CCDC18: variants seen among roughly 807,000 people sequenced by gnomAD.
The protein encoded by CCDC18 is coiled-coil domain-containing protein 18.
Under a neutral mutation model 196.0 loss-of-function variants are expected in CCDC18, and 157 were observed. The ratio of observed to expected loss-of-function variants is 0.80; its 90% CI spans 0.70 to 0.91. CCDC18 has a LOEUF of 0.91. Among genes scored for constraint, CCDC18 ranks in the 40% least tolerant of loss-of-function variants. The pLI is 0.00. For missense variants in CCDC18, 1,465 were observed against 1,611.6 expected (o/e 0.91, Z 1.56); for synonymous variants, 482 against 529.2 (o/e 0.91, Z 1.22).
At chr1:93,195,656 T>C (rs1250741405) in intron 6 of CCDC18, among the ~76,000 whole-genome samples, 5 of 152,144 alleles carry the variant, frequency 3.3e-5, no homozygotes, top group Non-Finnish European at 7.4e-5. Flanking sequence ...GGGAGTTTGT[T>C]CCTTTTTTCC....
At chr1:93,252,371 C>T (rs995374085) in intron 23 of CCDC18, among the ~76,000 whole-genome samples, 8 of 152,172 alleles carry the variant, frequency 5.3e-5, no homozygotes, top group African/African-American at 1.2e-4. Flanking sequence ...CATCTTCAAG[C>T]TCACTGATTC....
Position 93,217,837 on chromosome 1 carries a change from C to G in CCDC18, c.1930C>G (p.Gln644Glu). 1.2e-6 allele frequency: 2 copies of G among 1,612,286 alleles called. No homozygotes were observed. Among genetic ancestry groups the G allele is most frequent in the Non-Finnish European group, 1.7e-6 (2 of 1,178,564 alleles). Residue 644 changes from glutamine to glutamate, a missense_variant, in exon 14 of 29, where the codon CAG becomes GAG. By Grantham distance (29) the Gln-to-Glu change is conservative. Coordinates refer to ENST00000690025, the MANE Select transcript of CCDC18 (RefSeq NM_001378204.1). ...AAAAGCAAAGAAAATTCACTTGGAA[C>G]AGCATAAAGAAATGGAAAAGCAGAT... ...FEKAKKIHLE[Q>E]HKEMEKQIER...
chr1:93,208,193 C>T (rs1655012740), intron 9 of CCDC18, among the ~76,000 whole-genome samples: 1 of 152,182 alleles, frequency 6.6e-6, no homozygotes. Flanking sequence ...AATGTCTACA[C>T]TATTTTACAT....
In CCDC18 at chr1:93,230,230, G is replaced by A. The variant is rs552994905; in HGVS notation, c.2293-2196G>A. 1.2e-4 allele frequency among the ~76,000 whole-genome samples: 18 copies of A among 152,066 alleles called. No individual in the cohort carries two copies. In the East Asian group the frequency reaches 2.9e-3, roughly 24 times the overall value. On this transcript the variant is annotated intron_variant, in intron 17 of 28. Coordinates refer to ENST00000690025, the MANE Select transcript of CCDC18 (RefSeq NM_001378204.1). ...AAACTAAAGCCAACTGGCCAGGCAC[G>A]GTGGCTCATGCCTGTAATCCCAACA...
At chr1:93,224,722 T>C (rs1223103948) in intron 16 of CCDC18, among the ~76,000 whole-genome samples, 1 of 152,272 alleles carries the variant, frequency 6.6e-6, no homozygotes, top group Non-Finnish European at 1.5e-5. Context: ...GAATATCCTG[T>C]TCCTCAATAA....
chr1:93,212,047 A>G, intron 10 of CCDC18, 54 bp from the exon 11 acceptor site: 1 of 1,428,748 alleles, frequency 7.0e-7, no homozygotes, highest in Non-Finnish European at 9.6e-7. Flanking sequence ...GTACAGTATG[A>G]GTTTTTTTAT....
chr1:93,243,723 G>C (rs910820771), intron 21 of CCDC18, among the ~76,000 whole-genome samples: 1 of 152,098 alleles, frequency 6.6e-6, no homozygotes, highest in African/African-American at 2.4e-5. Flanking sequence ...TCTAGGGCAG[G>C]GGCAAAATGC....
chr1:93,256,918 G>A (rs780782836), intron 25 of CCDC18, among the ~76,000 whole-genome samples: 3 of 151,968 alleles, frequency 2.0e-5, no homozygotes, highest in Non-Finnish European at 4.4e-5. Flanking sequence ...TTTTACATTT[G>A]TAGTGACTCT....
chr1:93,223,796 T>C (rs1298031300), intron 16 of CCDC18, among the ~76,000 whole-genome samples: 2 of 152,130 alleles, frequency 1.3e-5, no homozygotes, highest in African/African-American at 4.8e-5. Context: ...TTTTTGAAGA[T>C]GCATAGCCTA....
intron 28 of CCDC18, among the ~76,000 whole-genome samples, chr1:93,277,075 G>A (rs1665662088): frequency 1.1e-5 from 1 of 93,938 alleles, no homozygotes; most frequent in Middle Eastern, 3.6e-3. Flanking sequence ...ACAATGTAAA[G>A]GATTAAGTGC....
At chr1:93,185,064 T>C (rs1650396413) in intron 3 of CCDC18, among the ~76,000 whole-genome samples, 1 of 151,740 alleles carries the variant, frequency 6.6e-6, no homozygotes, top group Non-Finnish European at 1.5e-5. Context: ...AGTAACCCAA[T>C]GGGCAAAAGA....
At chr1:93,251,352 T>C (rs1459081633) in intron 23 of CCDC18, among the ~76,000 whole-genome samples, 1 of 152,226 alleles carries the variant, frequency 6.6e-6, no homozygotes, top group Non-Finnish European at 1.5e-5. Context: ...CTTTTAGTCT[T>C]ACTAAAGATA....
intron 23 of CCDC18, 140 bp downstream of exon 23, chr1:93,247,094 T>TTTGGA: frequency 4.0e-6 from 2 of 495,528 alleles, no homozygotes; most frequent in Non-Finnish European, 7.3e-6. Flanking sequence ...AGTCGTTCTC[T>TTTGGA]GTCACCCAGG....
At chr1:93,204,261 A>AAT (rs1157780695) in intron 7 of CCDC18, among the ~76,000 whole-genome samples, 1 of 152,182 alleles carries the variant, frequency 6.6e-6, no homozygotes, top group African/African-American at 2.4e-5. Flanking sequence ...GAAATAGGAC[A>AAT]TTTCTTTATG....
rs774621776 is a variant in CCDC18 at position 93,239,409 on chromosome 1, C to T, written c.2703C>T (p.His901=). Residue 901 remains histidine, a synonymous_variant, in exon 20 of 29, where the codon CAC becomes CAT. Transcript: ENST00000690025. ...GAGATGGAGAAAATAAAGCAATGCA[C>T]CTCTCTCAATTAGATATGATCTTAG... The part of the protein sequence containing the change: ...LKRDGENKAM[H]LSQLDMILDQ... The T allele has an allele frequency of 1.2e-6, 2 of 1,613,026 alleles. No individual in the cohort carries two copies.
chr1:93,211,151 G>A (rs780979611), intron 10 of CCDC18, among the ~76,000 whole-genome samples: 2 of 151,922 alleles, frequency 1.3e-5, no homozygotes, highest in Non-Finnish European at 2.9e-5. Context: ...GGTGGCACGC[G>A]CCTGTAATCC....
Position 93,264,805 on chromosome 1 carries a change from A to G in CCDC18, c.3789A>G (p.Glu1263=). The G allele has an allele frequency of 6.2e-7, 1 of 1,613,530 alleles. No homozygotes were observed. ...LNEQLEKAKL[E]LEEAQDTVSN... is the part of the protein sequence containing the mutation. ...AACAGTTAGAGAAGGCAAAATTGGAATTAGAAGAAGCTCAGGATACTGTAA... is the reference window on the plus strand; with the variant it reads ...AACAGTTAGAGAAGGCAAAATTGGAGTTAGAAGAAGCTCAGGATACTGTAA... Residue 1263 remains glutamate (E), a synonymous_variant, in exon 27 of 29, where the codon GAA becomes GAG. Coordinates refer to ENST00000690025, the MANE Select transcript of CCDC18 (RefSeq NM_001378204.1).
Position 93,239,819 on chromosome 1 carries a change from G to A in CCDC18, c.2904G>A (p.Leu968=), listed in dbSNP as rs1050062094. The change falls in exon 21 of 29, where the codon TTG becomes TTA. Residue 968 remains leucine, a synonymous_variant. Coordinates refer to ENST00000690025, the MANE Select transcript of CCDC18 (RefSeq NM_001378204.1). The part of the protein sequence containing the change: ...LKSTLRQLQE[L]RDVLQKAQLS... ...GTACTTTAAGACAACTCCAGGAATT[G>A]AGAGATGTACTACAGAAGGCTCAAT... The A allele has an allele frequency of 3.7e-6, 6 of 1,613,204 alleles. No homozygotes were observed. In the African/African-American group the frequency reaches 6.7e-5, roughly 18 times the overall value.
At chr1:93,278,262 A>C (rs1570678281) in intron 28 of CCDC18, among the ~76,000 whole-genome samples, 1 of 152,298 alleles carries the variant, frequency 6.6e-6, no homozygotes, top group East Asian at 1.9e-4. Flanking sequence ...TGCTGGGATT[A>C]CAGGCAGTGA....
Sources: gnomAD v4.1 joint callset for allele counts (sites outside exome capture counted in the v4.1 genomes callset) on GRCh38, gnomAD v4.1.1 for gene constraint, MANE v1.5 for transcripts, NCBI Gene and HGNC (gene_info 2026-07-23, HGNC 2026-07-21) for gene names.